The following ADAMTS19 variants were observed in gnomAD, a reference collection of about 807,000 sequenced individuals.
ADAMTS19 encodes the protein ADAM metallopeptidase with thrombospondin type 1 motif 19, also known as A disintegrin and metalloproteinase with thrombospondin motifs 19.
ADAMTS19 carries 93 observed loss-of-function variants against 153.3 expected under a neutral mutation model. The observed-to-expected ratio is 0.61, with a 90% CI of 0.51 to 0.72. ADAMTS19 has a LOEUF of 0.72. ADAMTS19 is among the 30% of genes least tolerant of loss of function. The pLI is 0.00. For synonymous variants in ADAMTS19, 600 were observed against 556.6 expected, an observed-to-expected ratio of 1.08 and a Z score of -1.10; for missense variants, 1,482 against 1,552.1, an observed-to-expected ratio of 0.95 and a Z score of 0.76.
intron 2 of ADAMTS19, among the ~76,000 whole-genome samples, chr5:129,494,506 C>T (rs2126697138): frequency 6.6e-6 from 1 of 152,278 alleles, no homozygotes; most frequent in East Asian, 1.9e-4. Context: ...GTAATCTAAT[C>T]CAGTCTCATG....
intron 16 of ADAMTS19, among the ~76,000 whole-genome samples, chr5:129,670,760 G>C (rs1402972370): frequency 6.6e-6 from 1 of 152,086 alleles, no homozygotes; most frequent in Non-Finnish European, 1.5e-5. Context: ...ACTCAGAAGG[G>C]TATAAATCAT....
At chr5:129,712,205 A>G (rs1216500713) in intron 21 of ADAMTS19, among the ~76,000 whole-genome samples, 8 of 152,202 alleles carry the variant, frequency 5.3e-5, no homozygotes. Context: ...GAAAATGTGA[A>G]CAGCTATCCC....
rs764084397 is a variant in ADAMTS19, at chr5:129,461,658, G to C, written c.648G>C (p.Pro216=). The change falls in exon 2 of 23, where the codon CCG becomes CCC. Residue 216 remains proline (P), a synonymous_variant. Transcript: ENST00000274487. The surrounding 1 kb of genome is among the most constrained non-coding windows in gnomAD (Gnocchi z 4.6). ...GCCCCACGGGGGCAGCATCCGCCCCGCAACCTCCCGCGCCACCAGACGCAG... is the reference window on the plus strand; with the variant it reads ...GCCCCACGGGGGCAGCATCCGCCCCCCAACCTCCCGCGCCACCAGACGCAG... The part of the protein sequence containing the change: ...GPGPTGAASA[P]QPPAPPDAGC... 3.8e-6 allele frequency: 6 copies of C among 1,586,468 alleles called. No homozygotes were observed. The highest frequency in any genetic ancestry group is 5.1e-6 in the Non-Finnish European group (6 of 1,172,454).
At chr5:129,685,237 T>C (rs891612540) in intron 18 of ADAMTS19, among the ~76,000 whole-genome samples, 1 of 152,084 alleles carries the variant, frequency 6.6e-6, no homozygotes, top group African/African-American at 2.4e-5. Flanking sequence ...ATATTCTTTA[T>C]CTGTAGACTA....
At chr5:129,520,080 A>C (rs954641549) in intron 3 of ADAMTS19, among the ~76,000 whole-genome samples, 1 of 152,118 alleles carries the variant, frequency 6.6e-6, no homozygotes, top group Non-Finnish European at 1.5e-5. Context: ...ATGGACCCCG[A>C]AATGTGATTT....
At chr5:129,570,075 T>C (rs531531642) in intron 7 of ADAMTS19, among the ~76,000 whole-genome samples, 82 of 152,118 alleles carry the variant, frequency 5.4e-4, no homozygotes, top group African/African-American at 1.7e-3. Context: ...TTGATTTATG[T>C]TCCTATTGAT....
intron 21 of ADAMTS19, among the ~76,000 whole-genome samples, chr5:129,716,890 A>G (rs929423127): frequency 1.3e-5 from 2 of 152,150 alleles, no homozygotes; most frequent in African/African-American, 4.8e-5. Flanking sequence ...AGCTTTCTGT[A>G]TTGTAACCTA....
At chr5:129,501,500 G>A (rs996114020) in intron 2 of ADAMTS19, among the ~76,000 whole-genome samples, 1 of 152,082 alleles carries the variant, frequency 6.6e-6, no homozygotes, top group Non-Finnish European at 1.5e-5. Context: ...TATGCTTGAC[G>A]TCCAAACCCT....
chr5:129,533,901 G>A (rs555326469), intron 6 of ADAMTS19, among the ~76,000 whole-genome samples: 33 of 152,068 alleles, frequency 2.2e-4, no homozygotes, highest in Admixed American at 4.6e-4. Flanking sequence ...GTAGTTGAGC[G>A]GTTTTTGAGT....
chr5:129,479,409 G>A (rs755491632), intron 2 of ADAMTS19, among the ~76,000 whole-genome samples: 5 of 151,996 alleles, frequency 3.3e-5, no homozygotes, highest in Non-Finnish European at 7.4e-5. Flanking sequence ...AAATTATCAC[G>A]TTAGGGAGAT....
At chr5:129,491,344 C>T (rs1235879656) in intron 2 of ADAMTS19, among the ~76,000 whole-genome samples, 3 of 152,094 alleles carry the variant, frequency 2.0e-5, no homozygotes, top group African/African-American at 4.8e-5. Flanking sequence ...GATAATGTTT[C>T]GGAGTACCTG....
chr5:129,566,091 G>A (rs1263383623), intron 7 of ADAMTS19, among the ~76,000 whole-genome samples: 1 of 152,094 alleles, frequency 6.6e-6, no homozygotes, highest in Non-Finnish European at 1.5e-5. Flanking sequence ...AGCCCATACA[G>A]AAGAAAATCC....
intron 16 of ADAMTS19, among the ~76,000 whole-genome samples, chr5:129,667,050 G>C (rs1754084119): frequency 1.3e-5 from 2 of 152,146 alleles, no homozygotes; most frequent in South Asian, 4.1e-4. Context: ...ATCCAGTCCT[G>C]TTTCCTGTCT....
At chr5:129,697,319 C>G (rs1561655162) in intron 19 of ADAMTS19, among the ~76,000 whole-genome samples, 1 of 152,040 alleles carries the variant, frequency 6.6e-6, no homozygotes, top group African/African-American at 2.4e-5. Flanking sequence ...TAGTTTTGTC[C>G]CCTTAGCTGA....
intron 21 of ADAMTS19, among the ~76,000 whole-genome samples, chr5:129,730,236 C>T (rs190010250): frequency 9.2e-5 from 14 of 152,070 alleles, no homozygotes; most frequent in Admixed American, 2.0e-4. Flanking sequence ...TATAATAAAG[C>T]TTACACTGAA....
intron 11 of ADAMTS19, among the ~76,000 whole-genome samples, chr5:129,646,408 A>G (rs1434820954): frequency 1.3e-5 from 2 of 152,196 alleles, no homozygotes; most frequent in Non-Finnish European, 2.9e-5. Flanking sequence ...TAAAGCACTA[A>G]CAGGGCCCAC....
chr5:129,626,694 T>C (rs187554160), intron 10 of ADAMTS19, among the ~76,000 whole-genome samples: 1 of 152,104 alleles, frequency 6.6e-6, no homozygotes, highest in Non-Finnish European at 1.5e-5. Context: ...TTGACAAATA[T>C]TTATTAAGTT....
At position 129,737,222 on chromosome 5, in the gene ADAMTS19, C is replaced by G. The variant is rs767895809; in HGVS notation, c.*4C>G. On this transcript the variant is annotated 3_prime_UTR_variant, in exon 23 of 23. Coordinates refer to ENST00000274487, the MANE Select transcript of ADAMTS19 (RefSeq NM_133638.6). ...AAAGCTGCAGCAGAAGAGTTGACCT[C>G]TAGCAGGCTGGCTGGATCACAGCTC... is the stretch of plus-strand genomic sequence containing the variant. 1 of 1,591,780 alleles carries G rather than the reference C, an allele frequency of 6.3e-7. No homozygotes were observed. Among genetic ancestry groups the G allele is most frequent in the Non-Finnish European group, 8.6e-7 (1 of 1,165,138 alleles).
intron 10 of ADAMTS19, among the ~76,000 whole-genome samples, chr5:129,633,903 C>T (rs1339026749): frequency 6.6e-6 from 1 of 152,052 alleles, no homozygotes; most frequent in African/African-American, 2.4e-5. Context: ...TTATGGCAGC[C>T]TTGACCACCT....
Sources: allele counts gnomAD v4.1 joint callset (sites outside exome capture counted in the v4.1 genomes callset), GRCh38; gene constraint gnomAD v4.1.1; non-coding constraint Gnocchi (gnomAD v3.1); transcripts MANE v1.5; gene names NCBI Gene and HGNC (gene_info 2026-07-23, HGNC 2026-07-21).